MEI4: variants seen among roughly 807,000 people sequenced by gnomAD.
The protein encoded by MEI4 is meiotic double-stranded break formation protein 4.
MEI4 carries 27 observed loss-of-function variants against 31.4 expected under a neutral mutation model. The observed-to-expected ratio is 0.86, with a 90% CI of 0.63 to 1.19. The LOEUF (loss-of-function observed/expected upper bound fraction) is 1.19, where lower values mean the gene tolerates loss of function less well. MEI4 is among the 50% of genes most tolerant of loss of function. The pLI, the probability that MEI4 is intolerant of heterozygous loss-of-function variation, is 0.00. For synonymous variants in MEI4, 122 were observed against 145.4 expected, an observed-to-expected ratio of 0.84 and a Z score of 1.16; for missense variants, 329 against 398.9, an observed-to-expected ratio of 0.82 and a Z score of 1.49.
chr6:77,745,183 TAA>T (rs1189534181), intron 2 of MEI4, among the ~76,000 whole-genome samples: 4 of 152,086 alleles, frequency 2.6e-5, no homozygotes, highest in African/African-American at 9.7e-5. Context: ...GCAAATTGGA[TAA>T]AGAGTCAAGA....
intron 4 of MEI4, among the ~76,000 whole-genome samples, chr6:77,891,701 C>A (rs1771773036): frequency 6.6e-6 from 1 of 152,062 alleles, no homozygotes; most frequent in East Asian, 1.9e-4. Flanking sequence ...TTCATATTTT[C>A]ATGTTCTTTA....
intron 4 of MEI4, among the ~76,000 whole-genome samples, chr6:77,851,420 T>C (rs926816985): frequency 6.6e-5 from 10 of 151,976 alleles, no homozygotes; most frequent in South Asian, 2.1e-4. Context: ...ATTAAGAAAA[T>C]GTGGCACATA....
intron 3 of MEI4, among the ~76,000 whole-genome samples, chr6:77,791,081 G>C (rs1039671844): frequency 1.4e-4 from 22 of 152,058 alleles, no homozygotes; most frequent in Admixed American, 9.2e-4. Flanking sequence ...GACACTGTTG[G>C]TGGGACTGTA....
At chr6:77,791,244 C>G (rs183339120) in intron 3 of MEI4, among the ~76,000 whole-genome samples, 1 of 152,038 alleles carries the variant, frequency 6.6e-6, no homozygotes, top group East Asian at 1.9e-4. Context: ...ATGTTTATTG[C>G]GGCATTATTC....
Position 77,753,703 on chromosome 6 carries a change from AG to A in MEI4, c.233-7425del, listed in dbSNP as rs202113669. Among the ~76,000 whole-genome samples the A allele has an allele frequency of 6.9e-3, 1,054 of 152,312 alleles. 12 individuals carry two copies. The highest frequency in any genetic ancestry group is 0.023 in the African/African-American group (972 of 41,578). The stretch of plus-strand genomic sequence containing the variant: ...TGGAAGACAGTAGGTCGATTCCTCA[AG>A]GATCTAGAACCAGAAATACCATTTG... On this transcript the variant is annotated intron_variant, in intron 2 of 4. Transcript: ENST00000684080.
chr6:77,910,925 G>GTTTTTTTTTTTTT (rs58959367), intron 4 of MEI4, among the ~76,000 whole-genome samples: 1 of 120,580 alleles, frequency 8.3e-6, no homozygotes. Flanking sequence ...CCAGCTTCTG[G>GTTTTTTTTTTTTT]TTTTTTTTTT....
At chr6:77,865,535 T>G (rs6454012) in intron 4 of MEI4, among the ~76,000 whole-genome samples, 125,648 of 152,100 alleles carry the variant, frequency 0.83, 52,410 homozygotes, top group East Asian at 0.95. Flanking sequence ...CCAGGAAGAA[T>G]TTGAATCTCT....
intron 2 of MEI4, among the ~76,000 whole-genome samples, chr6:77,748,315 C>G (rs559431765): frequency 6.6e-6 from 1 of 152,364 alleles, no homozygotes; most frequent in East Asian, 1.9e-4. Flanking sequence ...CATACATCCT[C>G]TGAAATCTAG....
chr6:77,674,465 A>G (rs1283669147), intron 1 of MEI4, among the ~76,000 whole-genome samples: 1 of 152,064 alleles, frequency 6.6e-6, no homozygotes, highest in African/African-American at 2.4e-5. Flanking sequence ...ATGTTTATGT[A>G]TGTTCAGATC....
intron 4 of MEI4, among the ~76,000 whole-genome samples, chr6:77,901,992 T>G (rs1218564294): frequency 6.6e-6 from 1 of 152,086 alleles, no homozygotes; most frequent in African/African-American, 2.4e-5. Flanking sequence ...TTTTTGTTCT[T>G]TTTTGGGAAA....
At chr6:77,907,476 T>C (rs1385069275) in intron 4 of MEI4, among the ~76,000 whole-genome samples, 4 of 152,206 alleles carry the variant, frequency 2.6e-5, no homozygotes, top group Admixed American at 1.3e-4. Flanking sequence ...CTCATCATTT[T>C]TTACAGCTGC....
At chr6:77,780,215 C>T (rs545773287) in intron 3 of MEI4, among the ~76,000 whole-genome samples, 4 of 152,136 alleles carry the variant, frequency 2.6e-5, no homozygotes, top group African/African-American at 9.7e-5. Flanking sequence ...CGGCCTAATC[C>T]TCTTACCTTG....
At chr6:77,914,887 T>G (rs113438836) in intron 4 of MEI4, among the ~76,000 whole-genome samples, 124 of 152,254 alleles carry the variant, frequency 8.1e-4, no homozygotes, top group African/African-American at 2.9e-3. Context: ...CTGCTACTTT[T>G]CACTTCTATT....
intron 1 of MEI4, among the ~76,000 whole-genome samples, chr6:77,685,903 C>G (rs139561088): frequency 1.3e-5 from 2 of 152,174 alleles, no homozygotes; most frequent in African/African-American, 4.8e-5. Flanking sequence ...ATATTTGTCC[C>G]CTCCAAATCT....
chr6:77,867,483 C>G (rs1259371999), intron 4 of MEI4, among the ~76,000 whole-genome samples: 1 of 152,170 alleles, frequency 6.6e-6, no homozygotes. Context: ...TCATCACTGG[C>G]CATCAGAGAA....
intron 2 of MEI4, among the ~76,000 whole-genome samples, chr6:77,738,205 A>G (rs933293088): frequency 6.6e-6 from 1 of 152,324 alleles, no homozygotes; most frequent in East Asian, 1.9e-4. Flanking sequence ...AGGGAATTGT[A>G]TTGTCAAATA....
chr6:77,708,701 G>T (rs1431414081), intron 2 of MEI4, among the ~76,000 whole-genome samples: 1 of 152,118 alleles, frequency 6.6e-6, no homozygotes, highest in Non-Finnish European at 1.5e-5. Context: ...CCTTCTCTCA[G>T]TAAAGAATGA....
At position 77,925,191 on chromosome 6, in the gene MEI4, A is replaced by T. The variant is rs539736013; in HGVS notation, c.*1845A>T. The stretch of plus-strand genomic sequence containing the variant: ...TAAGAGACTTTTGGAGCTACAACAA[A>T]TTTATTAATTTCAGTGGTCTCCAAG... On this transcript the variant is annotated 3_prime_UTR_variant, in exon 5 of 5. Coordinates refer to ENST00000684080, the MANE Select transcript of MEI4 (RefSeq NM_001322247.2). The T allele has an allele frequency of 3.9e-5, 6 of 152,002 alleles. No individual in the cohort carries two copies. The East Asian group carries it at 1.2e-3, about 30-fold the overall frequency. The allele number at this position is 152,002 out of a possible 1,614,324, so 9.4% of individuals were successfully genotyped here. A position where few individuals can be genotyped will look rare whatever the true frequency, so the allele number is the denominator to read the frequency against.
At chr6:77,868,692 C>T (rs780574623) in intron 4 of MEI4, among the ~76,000 whole-genome samples, 8 of 151,198 alleles carry the variant, frequency 5.3e-5, no homozygotes, top group Admixed American at 4.6e-4. Flanking sequence ...AGGTAAGAAG[C>T]CATATCTAAA....
Sources: gnomAD v4.1 joint callset for allele counts (sites outside exome capture counted in the v4.1 genomes callset) on GRCh38, gnomAD v4.1.1 for gene constraint, MANE v1.5 for transcripts, NCBI Gene and HGNC (gene_info 2026-07-23, HGNC 2026-07-21) for gene names.